The following L3MBTL4 variants were observed in gnomAD, a reference collection of about 807,000 sequenced individuals.
The protein encoded by L3MBTL4 is L3MBTL histone methyl-lysine binding protein 4, also known as lethal(3)malignant brain tumor-like protein 4.
Under a neutral mutation model 84.5 loss-of-function variants are expected in L3MBTL4, and 70 were observed. That is an observed-to-expected ratio of 0.83 (90% CI 0.68 to 1.01). The LOEUF (loss-of-function observed/expected upper bound fraction) is 1.01. Ranked by LOEUF, L3MBTL4 falls within the 50% of genes least tolerant of loss-of-function variation. The pLI, the probability that L3MBTL4 is intolerant of heterozygous loss-of-function variation, is 0.00. For missense variants in L3MBTL4, 715 were observed against 754.8 expected, an observed-to-expected ratio of 0.95 and a Z score of 0.62; for synonymous variants, 274 against 259.8, an observed-to-expected ratio of 1.05 and a Z score of -0.52.
At chr18:6,120,988 G>A (rs1222660635) in intron 14 of L3MBTL4, among the ~76,000 whole-genome samples, 3 of 152,064 alleles carry the variant, frequency 2.0e-5, no homozygotes, top group African/African-American at 7.2e-5. Context: ...ACTAGGAATA[G>A]GATTGCCATA....
In L3MBTL4 at chr18:5,954,794, T is replaced by C. The variant is rs993651966; in HGVS notation, c.*1426A>G. 6 of 143,434 alleles carry C rather than the reference T, an allele frequency of 4.2e-5. No individual in the cohort carries two copies. Among genetic ancestry groups the C allele is most frequent in the African/African-American group, 1.5e-4 (6 of 39,490 alleles). 8.9% of individuals were successfully genotyped at this position (143,434 alleles called of 1,614,324 possible). A position where few individuals can be genotyped will look rare whatever the true frequency, so the allele number is the denominator to read the frequency against. On this transcript the variant is annotated 3_prime_UTR_variant, in exon 19 of 19. Transcript: ENST00000317931. ...CAGAAGCAGGAATTTTACTTGCACA[T>C]GGCAGTCTACAAAAAGCAAAACAAA...
chr18:6,233,090 G>A (rs967106772), intron 10 of L3MBTL4, among the ~76,000 whole-genome samples: 1 of 152,086 alleles, frequency 6.6e-6, no homozygotes, highest in Non-Finnish European at 1.5e-5. Flanking sequence ...CTCAATAGAT[G>A]CAGAAAAGGC....
At chr18:5,993,028 G>C (rs2053773691) in intron 16 of L3MBTL4, among the ~76,000 whole-genome samples, 1 of 152,188 alleles carries the variant, frequency 6.6e-6, no homozygotes, top group East Asian at 1.9e-4. Context: ...TGGGTTGGTG[G>C]AATGCAAGAC....
rs1213497119 is a variant in L3MBTL4, at chr18:6,010,528, C to T, written c.1445-40966G>A. ...CTGTAGTCAGCGCCACTTGCATGTG[C>T]GGTATTAATACTGCACATTTCTCCT... On this transcript the variant is annotated intron_variant, in intron 16 of 18. Coordinates refer to ENST00000317931, the MANE Select transcript of L3MBTL4 (RefSeq NM_001330559.2). Among the ~76,000 whole-genome samples the T allele has an allele frequency of 9.3e-4, 141 of 152,264 alleles. 1 individual carries two copies. The highest frequency in any genetic ancestry group is 4.2e-4 in the South Asian group (2 of 4,818).
intron 14 of L3MBTL4, among the ~76,000 whole-genome samples, chr18:6,102,306 G>A (rs565310443): frequency 2.0e-4 from 30 of 152,226 alleles, no homozygotes; most frequent in African/African-American, 7.0e-4. Context: ...GACATCTAGC[G>A]AAAAGCTTTC....
intron 5 of L3MBTL4, among the ~76,000 whole-genome samples, chr18:6,254,953 A>G (rs1399212947): frequency 6.6e-6 from 1 of 152,206 alleles, no homozygotes; most frequent in Non-Finnish European, 1.5e-5. Flanking sequence ...TGAACAAAGA[A>G]AAAGAACCCA....
intron 17 of L3MBTL4, among the ~76,000 whole-genome samples, chr18:5,963,054 A>C (rs1019243343): frequency 2.0e-5 from 3 of 152,148 alleles, no homozygotes; most frequent in African/African-American, 4.8e-5. Context: ...GTGTCATAGG[A>C]GGAAATAATA....
chr18:6,201,196 GA>G (rs1232220769), intron 12 of L3MBTL4, among the ~76,000 whole-genome samples: 4 of 152,160 alleles, frequency 2.6e-5, no homozygotes, highest in African/African-American at 9.7e-5. Context: ...TACCTATGAT[GA>G]AAACTAAATT....
chr18:6,256,174 A>ACTATCAAAAACAAAATGCAC (rs1487022124), intron 5 of L3MBTL4, among the ~76,000 whole-genome samples: 2 of 152,362 alleles, frequency 1.3e-5, no homozygotes, highest in East Asian at 3.9e-4. Flanking sequence ...ACAAATTCAG[A>ACTATCAAAAACAAAATGCAC]CTATCAAAAA....
At chr18:6,269,412 GCAC>G (rs1274273040) in intron 4 of L3MBTL4, among the ~76,000 whole-genome samples, 5 of 151,992 alleles carry the variant, frequency 3.3e-5, no homozygotes, top group Non-Finnish European at 7.4e-5. Context: ...AGCCAAGATC[GCAC>G]CACTACACTC....
At chr18:6,371,110 C>A (rs865858726) in intron 1 of L3MBTL4, among the ~76,000 whole-genome samples, 18 of 152,184 alleles carry the variant, frequency 1.2e-4, no homozygotes, top group African/African-American at 4.3e-4. Context: ...ATAGTCCCTG[C>A]GGTAATTACT....
At chr18:6,053,719 C>T (rs1485570034) in intron 16 of L3MBTL4, among the ~76,000 whole-genome samples, 3 of 152,170 alleles carry the variant, frequency 2.0e-5, no homozygotes, top group South Asian at 2.1e-4. Context: ...CTGCAGCATG[C>T]GTATCCTAAT....
At chr18:6,163,894 C>T (rs571428279) in intron 13 of L3MBTL4, among the ~76,000 whole-genome samples, 10 of 152,202 alleles carry the variant, frequency 6.6e-5, no homozygotes, top group East Asian at 3.9e-4. Context: ...TCAACTCACC[C>T]GGGAAGCACA....
intron 3 of L3MBTL4, among the ~76,000 whole-genome samples, chr18:6,305,237 T>G (rs1159489939): frequency 1.3e-5 from 2 of 152,232 alleles, no homozygotes; most frequent in African/African-American, 4.8e-5. Context: ...AAATGCTGAA[T>G]TTAGGGCTAG....
chr18:6,215,432 T>G (rs888292548), intron 11 of L3MBTL4, among the ~76,000 whole-genome samples: 1 of 152,126 alleles, frequency 6.6e-6, no homozygotes, highest in Non-Finnish European at 1.5e-5. Context: ...ACTGTGAAAA[T>G]TCAGAGTTCT....
chr18:6,118,208 A>AACACAC (rs60207558), intron 14 of L3MBTL4, among the ~76,000 whole-genome samples: 22 of 141,852 alleles, frequency 1.6e-4, no homozygotes, highest in African/African-American at 4.0e-4. Flanking sequence ...AACACACACA[A>AACACAC]ACACACACAC....
chr18:6,104,863 C>A (rs1230574679), intron 14 of L3MBTL4, among the ~76,000 whole-genome samples: 1 of 151,954 alleles, frequency 6.6e-6, no homozygotes, highest in Non-Finnish European at 1.5e-5. Context: ...ATATTCTTTC[C>A]AAATTAATTA....
At chr18:6,232,793 T>G (rs1272226400) in intron 10 of L3MBTL4, among the ~76,000 whole-genome samples, 1 of 152,158 alleles carries the variant, frequency 6.6e-6, no homozygotes, top group Non-Finnish European at 1.5e-5. Context: ...AAAATATTTA[T>G]GAAATACTTA....
chr18:6,267,104 C>T (rs1020377022), intron 4 of L3MBTL4, among the ~76,000 whole-genome samples: 43 of 151,894 alleles, frequency 2.8e-4, no homozygotes, highest in African/African-American at 1.0e-3. Flanking sequence ...TTTTGCTACC[C>T]ATATATGTTA....
Sources: allele counts gnomAD v4.1 joint callset (sites outside exome capture counted in the v4.1 genomes callset), GRCh38; gene constraint gnomAD v4.1.1; transcripts MANE v1.5; gene names NCBI Gene and HGNC (gene_info 2026-07-23, HGNC 2026-07-21).